BLNK: variants seen among roughly 807,000 people sequenced by gnomAD.
BLNK encodes B-cell linker protein.
BLNK carries 29 observed loss-of-function variants against 73.5 expected under a neutral mutation model. That is an observed-to-expected ratio of 0.39 (90% CI 0.29 to 0.54). The LOEUF (loss-of-function observed/expected upper bound fraction) is 0.54. Ranked by LOEUF, BLNK falls within the 20% of genes least tolerant of loss-of-function variation. The probability of loss-of-function intolerance (pLI) is 0.61; values close to 1 mark genes in which losing one functional copy is unlikely to be tolerated. For synonymous variants in BLNK, 176 were observed against 200.8 expected, an observed-to-expected ratio of 0.88 and a Z score of 1.04; for missense variants, 460 against 562.8, an observed-to-expected ratio of 0.82 and a Z score of 1.85.
intron 1 of BLNK, among the ~76,000 whole-genome samples, chr10:96,268,170 T>G (rs909305253): frequency 6.6e-6 from 1 of 152,186 alleles, no homozygotes; most frequent in African/African-American, 2.4e-5. Context: ...TGTTTGTTTA[T>G]GCTACAAAGA....
In BLNK at chr10:96,271,341, G is replaced by A; in HGVS notation, c.47+11C>T. On this transcript the variant is annotated intron_variant, in intron 1 of 16. Coordinates refer to ENST00000224337, the MANE Select transcript of BLNK (RefSeq NM_013314.4). ...GAGATGAAGAAGGGTATTGGGTGGG[G>A]AAAATCTTACCTCAACTTCTGACTG... The A allele has an allele frequency of 1.9e-6, 3 of 1,613,922 alleles. No individual in the cohort carries two copies. The highest frequency in any genetic ancestry group is 1.7e-6 in the Non-Finnish European group (2 of 1,179,774).
chr10:96,251,982 C>T (rs1554909231), intron 1 of BLNK, among the ~76,000 whole-genome samples: 1 of 152,114 alleles, frequency 6.6e-6, no homozygotes, highest in African/African-American at 2.4e-5. Flanking sequence ...CTGGCTGGGC[C>T]TCACCCCTGG....
At chr10:96,251,517 T>C (rs148616405) in intron 1 of BLNK, among the ~76,000 whole-genome samples, 85 of 152,336 alleles carry the variant, frequency 5.6e-4, no homozygotes, top group Non-Finnish European at 1.2e-3. Context: ...TTCAGAGATA[T>C]CCTTCCATGG....
chr10:96,189,605 G>A lies in BLNK; in HGVS notation c.*2368C>T, dbSNP rs1179108490. 25 of 695,850 alleles carry A rather than the reference G, an allele frequency of 3.6e-5. No individual in the cohort carries two copies. Among genetic ancestry groups the A allele is most frequent in the Admixed American group, 2.3e-4 (13 of 56,330 alleles). The allele number at this position is 695,850 out of a possible 1,614,324, so 43.1% of individuals were successfully genotyped here. A position where few individuals can be genotyped will look rare whatever the true frequency, so the allele number is the denominator to read the frequency against. ...ATCTTGGTGTTGATGATGGGTTTGAGTGTTTTCTATTCTGATTTGACTTTT... is the reference window on the plus strand; with the variant it reads ...ATCTTGGTGTTGATGATGGGTTTGAATGTTTTCTATTCTGATTTGACTTTT... On this transcript the variant is annotated 3_prime_UTR_variant, in exon 17 of 17. Transcript: ENST00000224337.
At chr10:96,240,835 A>T (rs899043067) in intron 3 of BLNK, among the ~76,000 whole-genome samples, 1 of 152,230 alleles carries the variant, frequency 6.6e-6, no homozygotes, top group Non-Finnish European at 1.5e-5. Flanking sequence ...TAATTTGTCC[A>T]TCAAACTTAT....
intron 8 of BLNK, among the ~76,000 whole-genome samples, chr10:96,210,641 G>A (rs1591311150): frequency 6.6e-6 from 1 of 152,130 alleles, no homozygotes; most frequent in African/African-American, 2.4e-5. Flanking sequence ...AGAGAAGCAG[G>A]ATGGATCTTC....
intron 2 of BLNK, among the ~76,000 whole-genome samples, chr10:96,245,102 TCTC>T: frequency 6.6e-6 from 1 of 151,736 alleles, no homozygotes; most frequent in African/African-American, 2.4e-5. Context: ...GAAGCCAAAT[TCTC>T]CTCCTCTGTA....
chr10:96,203,219 T>C (rs1425086477), intron 13 of BLNK, among the ~76,000 whole-genome samples: 1 of 152,226 alleles, frequency 6.6e-6, no homozygotes, highest in Non-Finnish European at 1.5e-5. Flanking sequence ...GTAAAAGGTA[T>C]AATAAACCTT....
At chr10:96,255,652 C>A (rs1361482080) in intron 1 of BLNK, among the ~76,000 whole-genome samples, 2 of 152,176 alleles carry the variant, frequency 1.3e-5, no homozygotes, top group Non-Finnish European at 2.9e-5. Context: ...CCTTCTTCAT[C>A]CCCCGCATCT....
intron 8 of BLNK, chr10:96,210,181 C>T: frequency 2.1e-6 from 1 of 465,656 alleles, no homozygotes; most frequent in South Asian, 2.1e-5. Flanking sequence ...CTTACCCGCC[C>T]CCTGCCCCAT....
chr10:96,246,889 C>T (rs1398792454), intron 2 of BLNK, 95 bp downstream of exon 2: 24 of 921,836 alleles, frequency 2.6e-5, no homozygotes, highest in Non-Finnish European at 3.5e-5. Context: ...GAGGTAGAAA[C>T]TTCTCATCCA....
At chr10:96,228,663 CCT>C (rs1842374859) in intron 4 of BLNK, among the ~76,000 whole-genome samples, 1 of 152,206 alleles carries the variant, frequency 6.6e-6, no homozygotes, top group African/African-American at 2.4e-5. Context: ...TCCTTCTCAG[CCT>C]CTCTGCTTCT....
chr10:96,217,779 AT>A (rs2084103213), intron 6 of BLNK, among the ~76,000 whole-genome samples: 1 of 152,122 alleles, frequency 6.6e-6, no homozygotes, highest in Non-Finnish European at 1.5e-5. Context: ...TATTGGTATC[AT>A]TGGTGGCACA....
intron 1 of BLNK, among the ~76,000 whole-genome samples, chr10:96,266,957 G>A (rs1345793671): frequency 6.6e-6 from 1 of 152,216 alleles, no homozygotes; most frequent in African/African-American, 2.4e-5. Context: ...AAGCCTGTGA[G>A]GAAGGCATCT....
intron 1 of BLNK, among the ~76,000 whole-genome samples, chr10:96,261,723 T>TG: frequency 6.6e-6 from 1 of 152,210 alleles, no homozygotes; most frequent in Non-Finnish European, 1.5e-5. Flanking sequence ...TTATATTACA[T>TG]TTGCCATTTT....
intron 1 of BLNK, among the ~76,000 whole-genome samples, chr10:96,256,320 A>T (rs1554911125): frequency 1.3e-5 from 2 of 152,214 alleles, no homozygotes; most frequent in Non-Finnish European, 2.9e-5. Flanking sequence ...AAATGCATCC[A>T]TGAATACTTT....
chr10:96,234,708 T>A (rs994673723), intron 3 of BLNK, among the ~76,000 whole-genome samples: 1 of 152,254 alleles, frequency 6.6e-6, no homozygotes, highest in Non-Finnish European at 1.5e-5. Context: ...TCTTGAGCAT[T>A]GCAAAGAATG....
intron 8 of BLNK, among the ~76,000 whole-genome samples, chr10:96,213,606 A>G (rs1466645542): frequency 8.2e-6 from 1 of 122,288 alleles, no homozygotes; most frequent in Non-Finnish European, 1.8e-5. Flanking sequence ...TGTTTTAGGA[A>G]GAGGAGGTGC....
chr10:96,269,845 G>A (rs1203603058), intron 1 of BLNK, among the ~76,000 whole-genome samples: 3 of 152,060 alleles, frequency 2.0e-5, no homozygotes, highest in Non-Finnish European at 4.4e-5. Context: ...CAAATGGACC[G>A]TACTTGTGTT....
Sources: gnomAD v4.1 joint callset for allele counts (sites outside exome capture counted in the v4.1 genomes callset) on GRCh38, gnomAD v4.1.1 for gene constraint, MANE v1.5 for transcripts, NCBI Gene and HGNC (gene_info 2026-07-23, HGNC 2026-07-21) for gene names.